NPBWR2: variants seen among roughly 807,000 people sequenced by gnomAD.
NPBWR2 encodes neuropeptides B/W receptor type 2.
For missense variants in NPBWR2, 390 were observed against 458.2 expected, an observed-to-expected ratio of 0.85 and a Z score of 1.36; for synonymous variants, 207 against 223.5, an observed-to-expected ratio of 0.93 and a Z score of 0.66.
chr20:64,106,475 C>T lies in NPBWR2; in HGVS notation c.357G>A (p.Leu119=), dbSNP rs1034764501. 11 of 1,612,638 alleles carry T rather than the reference C, an allele frequency of 6.8e-6. No individual in the cohort carries two copies. The highest frequency in any genetic ancestry group is 2.7e-5 in the African/African-American group (2 of 74,908). ...TGTTGTAGTGGTCGACGGCCAGCAC[C>T]AGCTTGCAGAGCAGCTCCCCGAAGG... ...YWPFGELLCK[L]VLAVDHYNIF... The change falls in exon 2 of 2, where the codon CTG becomes CTA. Residue 119 remains leucine (L), a synonymous_variant. Coordinates refer to ENST00000684052, the MANE Select transcript of NPBWR2 (RefSeq NM_005286.4). The surrounding 1 kb of genome is among the most constrained non-coding windows in gnomAD (Gnocchi z 9.5).
In NPBWR2 at chr20:64,105,797, G is replaced by T; in HGVS notation, c.*33C>A. ...TGATGATGATGGGGGGTGATGATGG[G>T]CATGATGATGGGGGTGATGGTGCCC... On this transcript the variant is annotated 3_prime_UTR_variant, in exon 2 of 2. Coordinates refer to ENST00000684052, the MANE Select transcript of NPBWR2 (RefSeq NM_005286.4). 8.8e-7 allele frequency: 1 copy of T among 1,138,040 alleles called. No individual in the cohort carries two copies. Among genetic ancestry groups the T allele is most frequent in the Non-Finnish European group, 1.2e-6 (1 of 820,472 alleles). 70.5% of individuals were successfully genotyped at this position (1,138,040 alleles called of 1,614,324 possible). A position where few individuals can be genotyped will look rare whatever the true frequency, so the allele number is the denominator to read the frequency against.
chr20:64,106,049 C>T lies in NPBWR2; in HGVS notation c.783G>A (p.Leu261=), dbSNP rs1980018931. 1.2e-6 allele frequency: 2 copies of T among 1,610,652 alleles called. No homozygotes were observed. The highest frequency in any genetic ancestry group is 1.7e-6 in the Non-Finnish European group (2 of 1,179,354). Residue 261 remains leucine (L), a synonymous_variant, in exon 2 of 2, where the codon CTG becomes CTA. Transcript: ENST00000684052. This position sits in a 1 kb window ranked among gnomAD's most constrained non-coding sequence, Gnocchi z 9.5. ...LGKARRKVTV[L]VLVVLAVCLL... ...GGCACACGGCCAGCACGACGAGGAC[C>T]AGGACGGTCACCTTCCGCCTGGCCT...
At position 64,103,845 on chromosome 20, in the gene NPBWR2, C is replaced by T. The variant is rs1979858396; in HGVS notation, c.*1985G>A. Among the ~76,000 whole-genome samples, 3 of 152,350 alleles carry T rather than the reference C, an allele frequency of 2.0e-5. No homozygotes were observed. Among genetic ancestry groups the T allele is most frequent in the Admixed American group, 2.0e-4 (3 of 15,304 alleles). On this transcript the variant is annotated 3_prime_UTR_variant, in exon 2 of 2. Transcript: ENST00000684052. ...GTTATTCAGCAACAGATATCTAATA[C>T]AATGTTGTCAGGGAGGATAAGTGGA...
In NPBWR2 at chr20:64,107,073, C is replaced by T. The variant is rs568058854; in HGVS notation, c.-91-151G>A. ...GGTGGGGTGTGTGGGGGCCTCCTCC[C>T]GCCTCTTCCTGGTGAGACTTCAGCA... On this transcript the variant is annotated intron_variant, in intron 1 of 1. Coordinates refer to ENST00000684052, the MANE Select transcript of NPBWR2 (RefSeq NM_005286.4). The surrounding 1 kb of genome is among the most constrained non-coding windows in gnomAD (Gnocchi z 6.3). 8 of 603,948 alleles carry T rather than the reference C, an allele frequency of 1.3e-5. No homozygotes were observed. Among genetic ancestry groups the T allele is most frequent in the East Asian group, 2.8e-5 (1 of 35,716 alleles). The allele number at this position is 603,948 out of a possible 1,614,324, so 37.4% of individuals were successfully genotyped here.
rs369105481 is a variant in NPBWR2, at chr20:64,103,945, G to A, written c.*1885C>T. 1.3e-5 allele frequency among the ~76,000 whole-genome samples: 2 copies of A among 152,268 alleles called. No homozygotes were observed. The highest frequency in any genetic ancestry group is 3.8e-4 in the East Asian group (2 of 5,206). ...GCTGCAGGCCTGAGCCGAGTGGGCT[G>A]GAACGCTGGAGTATTTGGTGGATGG... On this transcript the variant is annotated 3_prime_UTR_variant, in exon 2 of 2. Transcript: ENST00000684052.
In NPBWR2 at chr20:64,106,595, C is replaced by T. The variant is rs148604108; in HGVS notation, c.237G>A (p.Val79=). The change falls in exon 2 of 2, where the codon GTG becomes GTA. Residue 79 remains valine, a synonymous_variant. Coordinates refer to ENST00000684052, the MANE Select transcript of NPBWR2 (RefSeq NM_005286.4). This position sits in a 1 kb window ranked among gnomAD's most constrained non-coding sequence, Gnocchi z 9.5. ...VILRAPKMKT[V]TNVFILNLAV... is the part of the protein sequence containing the mutation. ...CCAGGTTCAGGATGAACACGTTGGTCACCGTCTTCATCTTGGGCGCCCTTA... is the reference window on the plus strand; with the variant it reads ...CCAGGTTCAGGATGAACACGTTGGTTACCGTCTTCATCTTGGGCGCCCTTA... 13 of 1,611,772 alleles carry T rather than the reference C, an allele frequency of 8.1e-6. No homozygotes were observed. The Admixed American group carries it at 2.0e-4, about 25-fold the overall frequency.
rs1228069893 is a variant in NPBWR2, at chr20:64,104,961, G to A, written c.*869C>T. On this transcript the variant is annotated 3_prime_UTR_variant, in exon 2 of 2. Transcript: ENST00000684052. ...CAAGGACCGTCGGCCACAGCAGGGG[G>A]AACACAGCAGCACAGGCCATGGCAC... Among the ~76,000 whole-genome samples, 1 of 152,020 alleles carries A rather than the reference G, an allele frequency of 6.6e-6. No homozygotes were observed. The highest frequency in any genetic ancestry group is 1.5e-5 in the Non-Finnish European group (1 of 67,980).
In NPBWR2 at chr20:64,103,815, A is replaced by C. The variant is rs937256034; in HGVS notation, c.*2015T>G. On this transcript the variant is annotated 3_prime_UTR_variant, in exon 2 of 2. Coordinates refer to ENST00000684052, the MANE Select transcript of NPBWR2 (RefSeq NM_005286.4). ...GTCTTAAGCGGCTAAGTTTTGGAGA[A>C]ATTTGTTATTCAGCAACAGATATCT... Among the ~76,000 whole-genome samples the C allele has an allele frequency of 6.6e-6, 1 of 152,258 alleles. No homozygotes were observed. The highest frequency in any genetic ancestry group is 6.5e-5 in the Admixed American group (1 of 15,286).
rs1240808368 is a variant in NPBWR2 at position 64,105,140 on chromosome 20, C to T, written c.*690G>A. On this transcript the variant is annotated 3_prime_UTR_variant, in exon 2 of 2. Coordinates refer to ENST00000684052, the MANE Select transcript of NPBWR2 (RefSeq NM_005286.4). Reference sequence around the variant, plus strand: ...GTGCCCGCACTTACCACCCCCCGGCCCCATCTTGGGGAGAGACTATGTAAC... The same window carrying T: ...GTGCCCGCACTTACCACCCCCCGGCTCCATCTTGGGGAGAGACTATGTAAC... Among the ~76,000 whole-genome samples the T allele has an allele frequency of 6.6e-6, 1 of 152,064 alleles. No individual in the cohort carries two copies. The highest frequency in any genetic ancestry group is 1.5e-5 in the Non-Finnish European group (1 of 67,996).
rs551420856 is a variant in NPBWR2 at position 64,104,432 on chromosome 20, G to A, written c.*1398C>T. ...TAGCCTCTAGTAAAGTATGAGAGGA[G>A]CATCGGCCACAGCAGGGGTGTACAG... is the stretch of plus-strand genomic sequence containing the variant. On this transcript the variant is annotated 3_prime_UTR_variant, in exon 2 of 2. Coordinates refer to ENST00000684052, the MANE Select transcript of NPBWR2 (RefSeq NM_005286.4). Among the ~76,000 whole-genome samples the A allele has an allele frequency of 2.0e-5, 3 of 152,224 alleles. No homozygotes were observed. The highest frequency in any genetic ancestry group is 4.4e-5 in the Non-Finnish European group (3 of 68,012).
chr20:64,105,957 G>A lies in NPBWR2; in HGVS notation c.875C>T (p.Pro292Leu). The change falls in exon 2 of 2, where the codon CCA becomes CTA. Residue 292 changes from proline (P) to leucine (L), a missense_variant. By Grantham distance (98) the Pro-to-Leu change is moderately conservative (BLOSUM62 -3). Coordinates refer to ENST00000684052, the MANE Select transcript of NPBWR2 (RefSeq NM_005286.4). ...VALTTDLPQTPLVISMSYVIT... is the reference protein window; with the variant it reads ...VALTTDLPQTLLVISMSYVIT... ...GACGTAGGACATACTGATGACCAGT[G>A]GGGTCTGGGGCAGGTCCGTGGTCAG... The A allele has an allele frequency of 1.2e-6, 2 of 1,612,862 alleles. No homozygotes were observed. The highest frequency in any genetic ancestry group is 1.7e-6 in the Non-Finnish European group (2 of 1,179,868).
rs1232479609 is a variant in NPBWR2 at position 64,106,517 on chromosome 20, G to A, written c.315C>T (p.His105=). ...CCCCGAAGGGCCAGTACTGCAGCAG[G>A]TGCTCCGCGATGTTGACGGGCAGTA... The part of the protein sequence containing the change: ...TLVLPVNIAE[H]LLQYWPFGEL... The change falls in exon 2 of 2, where the codon CAC becomes CAT. Residue 105 remains histidine (H), a synonymous_variant. Transcript: ENST00000684052. This position sits in a 1 kb window ranked among gnomAD's most constrained non-coding sequence, Gnocchi z 9.5. 1.4e-5 allele frequency: 23 copies of A among 1,612,326 alleles called. No homozygotes were observed. The highest frequency in any genetic ancestry group is 1.8e-5 in the Non-Finnish European group (21 of 1,179,980).
rs1980084853 is a variant in NPBWR2 at position 64,107,227 on chromosome 20, C to T, written c.-92+137G>A. ...GAATCAAGCGGTCCCTTTGGAAACA[C>T]ACCTCCCAAGCTCATCTCTGGCTCC... On this transcript the variant is annotated intron_variant, in intron 1 of 1. Coordinates refer to ENST00000684052, the MANE Select transcript of NPBWR2 (RefSeq NM_005286.4). This position sits in a 1 kb window ranked among gnomAD's most constrained non-coding sequence, Gnocchi z 6.3. 3.7e-6 allele frequency: 1 copy of T among 266,898 alleles called. No individual in the cohort carries two copies. Among genetic ancestry groups the T allele is most frequent in the Non-Finnish European group, 7.4e-6 (1 of 134,322 alleles). The allele number at this position is 266,898 out of a possible 1,614,324, so 16.5% of individuals were successfully genotyped here. A position where few individuals can be genotyped will look rare whatever the true frequency, so the allele number is the denominator to read the frequency against.
rs371696819 is a variant in NPBWR2, at chr20:64,105,066, C to T, written c.*764G>A. ...CGAGAGTGGATTTCTGGGTCTCATG[C>T]GGTGCAGGTGTCCGCCTTTGCAGCA... On this transcript the variant is annotated 3_prime_UTR_variant, in exon 2 of 2. Coordinates refer to ENST00000684052, the MANE Select transcript of NPBWR2 (RefSeq NM_005286.4). Among the ~76,000 whole-genome samples, 11 of 149,686 alleles carry T rather than the reference C, an allele frequency of 7.3e-5. No individual in the cohort carries two copies. The highest frequency in any genetic ancestry group is 2.0e-4 in the East Asian group (1 of 5,106).
rs1979979772 is a variant in NPBWR2 at position 64,105,698 on chromosome 20, G to GATGATGGGC, written c.*131_*132insGCCCATCAT. On this transcript the variant is annotated 3_prime_UTR_variant, in exon 2 of 2. Coordinates refer to ENST00000684052, the MANE Select transcript of NPBWR2 (RefSeq NM_005286.4). ...GCGTGATGATGGGGGTGGTGGTGGGGGTGATGGTGGGGGTGGTGGTGGGGG... is the reference window on the plus strand; with the variant it reads ...GCGTGATGATGGGGGTGGTGGTGGGGATGATGGGCGTGATGGTGGGGGTGGTGGTGGGGG... The GATGATGGGC allele has an allele frequency of 2.7e-6, 1 of 371,064 alleles. No individual in the cohort carries two copies. The highest frequency in any genetic ancestry group is 5.3e-5 in the African/African-American group (1 of 18,722). 23.0% of individuals were successfully genotyped at this position (371,064 alleles called of 1,614,324 possible). A position where few individuals can be genotyped will look rare whatever the true frequency, so the allele number is the denominator to read the frequency against.
At position 64,105,674 on chromosome 20, in the gene NPBWR2, CGTGATGATGGGGGTGGTGGTGGGG is replaced by C; in HGVS notation, c.*132_*155del. On this transcript the variant is annotated 3_prime_UTR_variant, in exon 2 of 2. Coordinates refer to ENST00000684052, the MANE Select transcript of NPBWR2 (RefSeq NM_005286.4). The stretch of plus-strand genomic sequence containing the variant: ...TGATGGGGGTGGGCATGATGATGGG[CGTGATGATGGGGGTGGTGGTGGGG>C]GTGATGGTGGGGGTGGTGGTGGGGG... The C allele has an allele frequency of 6.4e-6, 2 of 310,394 alleles. No homozygotes were observed. Among genetic ancestry groups the C allele is most frequent in the Non-Finnish European group, 1.1e-5 (2 of 185,222 alleles). 19.2% of individuals were successfully genotyped at this position (310,394 alleles called of 1,614,324 possible).
chr20:64,105,248 A>G lies in NPBWR2; in HGVS notation c.*582T>C, dbSNP rs1478693820. On this transcript the variant is annotated 3_prime_UTR_variant, in exon 2 of 2. Transcript: ENST00000684052. ...GGATCCTGAGTCCCAGAGCCTTCCA[A>G]GGGGCTTGTCCATCTGTCTGTCTCT... Among the ~76,000 whole-genome samples, 2 of 151,402 alleles carry G rather than the reference A, an allele frequency of 1.3e-5. No homozygotes were observed. Among genetic ancestry groups the G allele is most frequent in the East Asian group, 4.0e-4 (2 of 5,030 alleles).
At position 64,106,184 on chromosome 20, in the gene NPBWR2, C is replaced by A. The variant is rs4809400; in HGVS notation, c.648G>T (p.Thr216=). Residue 216 remains threonine (T), a synonymous_variant, in exon 2 of 2, where the codon ACG becomes ACT. Coordinates refer to ENST00000684052, the MANE Select transcript of NPBWR2 (RefSeq NM_005286.4). This position sits in a 1 kb window ranked among gnomAD's most constrained non-coding sequence, Gnocchi z 9.5. The part of the protein sequence containing the change: ...QVWFKASRVY[T]LVLGFVLPVC... ...CGGGCAGCACGAAGCCCAGGACCAA[C>A]GTGTAGACACGGCTGGCCTTGAACC... 0.11 allele frequency: 183,299 copies of A among 1,612,530 alleles called. 11,061 individuals carry two copies. The highest frequency in any genetic ancestry group is 0.12 in the Non-Finnish European group (144,522 of 1,179,842).
At position 64,105,579 on chromosome 20, in the gene NPBWR2, G is replaced by A. The variant is rs1979946826; in HGVS notation, c.*251C>T. ...GGTGGGCGTGATGATGGGGGTGGGG[G>A]TGGGGGTGGGGGTGATGGTGGGCGT... is the stretch of plus-strand genomic sequence containing the variant. On this transcript the variant is annotated 3_prime_UTR_variant, in exon 2 of 2. Transcript: ENST00000684052. 1.9e-4 allele frequency among the ~76,000 whole-genome samples: 1 copy of A among 5,138 alleles called. No homozygotes were observed. The highest frequency in any genetic ancestry group is 8.8e-4 in the African/African-American group (1 of 1,134). The allele number at this position is 5,138 out of a possible 152,430, so 3.4% of individuals were successfully genotyped here.
Sources: gnomAD v4.1 joint callset for allele counts (sites outside exome capture counted in the v4.1 genomes callset) on GRCh38, gnomAD v4.1.1 for gene constraint, Gnocchi (gnomAD v3.1) non-coding constraint, MANE v1.5 for transcripts, NCBI Gene and HGNC (gene_info 2026-07-23, HGNC 2026-07-21) for gene names.